The following FBXL17 variants were observed in gnomAD, a reference collection of about 807,000 sequenced individuals.
FBXL17 encodes the protein F-box/LRR-repeat protein 17.
A neutral mutation model predicts 66.2 loss-of-function variants in FBXL17; 22 were observed. The ratio of observed to expected loss-of-function variants is 0.33; its 90% CI spans 0.24 to 0.47. The LOEUF is 0.47. Among genes scored for constraint, FBXL17 ranks in the 20% least tolerant of loss-of-function variants. The pLI is 1.00. For synonymous variants in FBXL17, 474 were observed against 400.5 expected (o/e 1.18, Z -2.19); for missense variants, 878 against 948.2 (o/e 0.93, Z 0.97).
intron 3 of FBXL17, among the ~76,000 whole-genome samples, chr5:108,351,728 A>T (rs954300162): frequency 6.6e-6 from 1 of 152,220 alleles, no homozygotes; most frequent in African/African-American, 2.4e-5. Context: ...TCAATTTGAT[A>T]ACATCCTGAG....
At chr5:108,203,228 G>A (rs1333710826) in intron 5 of FBXL17, among the ~76,000 whole-genome samples, 1 of 151,330 alleles carries the variant, frequency 6.6e-6, no homozygotes, top group African/African-American at 2.4e-5. Context: ...TATGTGCCAA[G>A]AACTCTTCCT....
chr5:108,174,202 C>T (rs1399733117), intron 6 of FBXL17, among the ~76,000 whole-genome samples: 4 of 152,112 alleles, frequency 2.6e-5, no homozygotes, highest in African/African-American at 9.7e-5. Context: ...AGGTAATCTA[C>T]TCCTCAATTT....
intron 4 of FBXL17, among the ~76,000 whole-genome samples, chr5:108,347,333 A>G (rs192882772): frequency 4.6e-5 from 7 of 152,320 alleles, no homozygotes; most frequent in African/African-American, 1.7e-4. Context: ...CCACTACTGT[A>G]TATGCTATCC....
intron 6 of FBXL17, among the ~76,000 whole-genome samples, chr5:108,094,674 T>C (rs978406919): frequency 2.6e-5 from 4 of 152,138 alleles, no homozygotes; most frequent in African/African-American, 7.2e-5. Context: ...CTTTTTGTAA[T>C]TGAAAATAGA....
At chr5:108,333,395 A>T (rs1760227420) in intron 4 of FBXL17, among the ~76,000 whole-genome samples, 1 of 152,114 alleles carries the variant, frequency 6.6e-6, no homozygotes, top group Non-Finnish European at 1.5e-5. Flanking sequence ...ACGTTAAAAA[A>T]TCACTTTTAA....
chr5:108,041,297 T>A (rs1041537396), intron 6 of FBXL17, among the ~76,000 whole-genome samples: 14 of 152,190 alleles, frequency 9.2e-5, no homozygotes, highest in Non-Finnish European at 7.3e-5. Context: ...ACCTTCACAA[T>A]TGGGTGTTAA....
chr5:107,890,464 C>T (rs953702317), intron 7 of FBXL17, among the ~76,000 whole-genome samples: 1 of 151,620 alleles, frequency 6.6e-6, no homozygotes, highest in Admixed American at 6.6e-5. Flanking sequence ...GAGTTCAAGA[C>T]CAGCCTGGGC....
intron 3 of FBXL17, among the ~76,000 whole-genome samples, chr5:108,360,930 C>T (rs1226446442): frequency 6.6e-6 from 1 of 151,962 alleles, no homozygotes; most frequent in Admixed American, 6.6e-5. Flanking sequence ...TGGTTCTTTC[C>T]ATAATTTCTA....
chr5:108,311,882 C>T (rs968728617), intron 4 of FBXL17, among the ~76,000 whole-genome samples: 13 of 152,126 alleles, frequency 8.5e-5, no homozygotes, highest in African/African-American at 3.1e-4. Context: ...ATGCTGCAAG[C>T]GTTCTAGGTA....
chr5:108,360,173 T>C (rs1182167561), intron 3 of FBXL17, among the ~76,000 whole-genome samples: 1 of 152,096 alleles, frequency 6.6e-6, no homozygotes, highest in Non-Finnish European at 1.5e-5. Flanking sequence ...GTAGTTACTT[T>C]CATCAGTTTT....
intron 5 of FBXL17, among the ~76,000 whole-genome samples, chr5:108,212,101 TC>T (rs1448610887): frequency 6.6e-6 from 1 of 152,222 alleles, no homozygotes; most frequent in Non-Finnish European, 1.5e-5. Flanking sequence ...TATCCTTTCT[TC>T]CACTTGATCA....
chr5:108,155,006 A>C (rs185973382), intron 6 of FBXL17, among the ~76,000 whole-genome samples: 420 of 152,270 alleles, frequency 2.8e-3, no homozygotes, highest in Non-Finnish European at 3.3e-3. Context: ...CTTTCCTCTA[A>C]CTACCAGTAA....
At chr5:108,357,960 T>C (rs1385561938) in intron 3 of FBXL17, among the ~76,000 whole-genome samples, 2 of 152,120 alleles carry the variant, frequency 1.3e-5, no homozygotes, top group African/African-American at 4.8e-5. Context: ...CTGTTGTAAA[T>C]GAAATCGTTT....
chr5:108,189,287 A>G (rs1580583533), intron 5 of FBXL17, among the ~76,000 whole-genome samples: 3 of 112,432 alleles, frequency 2.7e-5, no homozygotes, highest in Admixed American at 1.1e-4. Flanking sequence ...AAGAATTCAT[A>G]GGATGGGATG....
At chr5:108,341,233 T>G (rs187517099) in intron 4 of FBXL17, among the ~76,000 whole-genome samples, 3 of 152,264 alleles carry the variant, frequency 2.0e-5, no homozygotes, top group Admixed American at 1.3e-4. Flanking sequence ...AATTGTAGAC[T>G]CATATATACT....
At chr5:108,341,682 A>AT (rs1746889824) in intron 4 of FBXL17, among the ~76,000 whole-genome samples, 1 of 152,152 alleles carries the variant, frequency 6.6e-6, no homozygotes, top group Non-Finnish European at 1.5e-5. Context: ...ACTGAAAAAA[A>AT]TTTAACAACC....
intron 6 of FBXL17, among the ~76,000 whole-genome samples, chr5:108,049,799 G>C (rs1396160125): frequency 6.6e-6 from 1 of 152,156 alleles, no homozygotes; most frequent in Non-Finnish European, 1.5e-5. Context: ...TGGCAAACTG[G>C]ATAAGGAGTC....
chr5:107,906,162 TAGTC>T (rs544834145), intron 7 of FBXL17, among the ~76,000 whole-genome samples: 22 of 152,070 alleles, frequency 1.4e-4, no homozygotes, highest in Non-Finnish European at 2.5e-4. Flanking sequence ...GCCAGCCAAG[TAGTC>T]AGAATAATTT....
chr5:107,895,072 C>T (rs1422110071), intron 7 of FBXL17, among the ~76,000 whole-genome samples: 1 of 152,000 alleles, frequency 6.6e-6, no homozygotes, highest in Non-Finnish European at 1.5e-5. Flanking sequence ...TTTAATGTTT[C>T]TGTCTTTTGT....
Sources: gnomAD v4.1 joint callset for allele counts (sites outside exome capture counted in the v4.1 genomes callset) on GRCh38, gnomAD v4.1.1 for gene constraint, MANE v1.5 for transcripts, NCBI Gene and HGNC (gene_info 2026-07-23, HGNC 2026-07-21) for gene names.